GLIPR1: variants seen among roughly 807,000 people sequenced by gnomAD.
GLIPR1 encodes GLI pathogenesis related 1.
A neutral mutation model predicts 30.3 loss-of-function variants in GLIPR1; 38 were observed. That is an observed-to-expected ratio of 1.26 (90% CI 0.97 to 1.65). The LOEUF (loss-of-function observed/expected upper bound fraction) is 1.65. Ranked by LOEUF, GLIPR1 falls within the 40% of genes most tolerant of loss-of-function variation. GLIPR1 has a pLI of 0.00. For synonymous variants in GLIPR1, 122 were observed against 110.6 expected (o/e 1.10, Z -0.65); for missense variants, 285 against 326.5 (o/e 0.87, Z 0.98).
rs1467892776 is a variant in GLIPR1 at position 75,499,385 on chromosome 12, A to AGATTCAGAACAGAGGAGTAACTAGG, written c.*409_*433dup. 3.7e-5 allele frequency: 6 copies of AGATTCAGAACAGAGGAGTAACTAGG among 161,152 alleles called. No homozygotes were observed. The highest frequency in any genetic ancestry group is 1.4e-4 in the African/African-American group (6 of 41,854). 10.0% of individuals were successfully genotyped at this position (161,152 alleles called of 1,614,324 possible). The stretch of plus-strand genomic sequence containing the variant: ...TGTCTTTTTGGTTTACTACTTCCCC[A>AGATTCAGAACAGAGGAGTAACTAGG]GATTCAGAACAGAGGAGTAACTAGG... On this transcript the variant is annotated 3_prime_UTR_variant, in exon 6 of 6. Coordinates refer to ENST00000266659, the MANE Select transcript of GLIPR1 (RefSeq NM_006851.3).
intron 3 of GLIPR1, chr12:75,492,657 A>T (rs2046329974): frequency 6.6e-6 from 1 of 152,254 alleles, no homozygotes; most frequent in Non-Finnish European, 1.5e-5. Context: ...AGTTATAAAC[A>T]ATATTAAATT....
At chr12:75,496,507 TAGTA>T (rs1274735901) in intron 4 of GLIPR1, 2 of 152,188 alleles carry the variant, frequency 1.3e-5, no homozygotes, top group Non-Finnish European at 2.9e-5. Flanking sequence ...TTTGAAATAT[TAGTA>T]AGTGACCAAG....
chr12:75,492,955 G>C (rs1323279793), intron 3 of GLIPR1: 1 of 152,176 alleles, frequency 6.6e-6, no homozygotes, highest in Non-Finnish European at 1.5e-5. Context: ...TTTAAGCTTA[G>C]GCATGAAGAA....
chr12:75,503,611 A>T lies in GLIPR1; in HGVS notation c.*4633A>T, dbSNP rs2046408748. The T allele has an allele frequency of 9.2e-6, 2 of 218,542 alleles. No homozygotes were observed. Among genetic ancestry groups the T allele is most frequent in the Admixed American group, 1.1e-4 (2 of 17,636 alleles). The allele number at this position is 218,542 out of a possible 1,614,324, so 13.5% of individuals were successfully genotyped here. A position where few individuals can be genotyped will look rare whatever the true frequency, so the allele number is the denominator to read the frequency against. ...ACAATAATGTTGCCAAATCAGAGAA[A>T]AGAGTATTGCAGACTAAACGAACTT... is the stretch of plus-strand genomic sequence containing the variant. On this transcript the variant is annotated 3_prime_UTR_variant, in exon 6 of 6. Transcript: ENST00000266659.
chr12:75,490,122 C>G (rs1325378860), intron 2 of GLIPR1, among the ~76,000 whole-genome samples: 2 of 151,840 alleles, frequency 1.3e-5, no homozygotes, highest in Non-Finnish European at 2.9e-5. Flanking sequence ...AAATCAGCAT[C>G]ACCTTGCCAG....
chr12:75,480,943 A>G lies in GLIPR1; in HGVS notation c.63A>G (p.Thr21=), dbSNP rs367781733. ...CTTTTGTCTCCAATTATTCACACAC[A>G]GCAAATATTTTGCCAGATATCGAAA... The part of the protein sequence containing the change: ...MVSFVSNYSH[T]ANILPDIENE... Residue 21 remains threonine, a synonymous_variant, in exon 1 of 6, where the codon ACA becomes ACG. Transcript: ENST00000266659. 1 of 1,613,818 alleles carries G rather than the reference A, an allele frequency of 6.2e-7. No individual in the cohort carries two copies. Among genetic ancestry groups the G allele is most frequent in the East Asian group, 2.2e-5 (1 of 44,872 alleles).
chr12:75,499,829 T>TCTTTTCA lies in GLIPR1; in HGVS notation c.*852_*858dup. On this transcript the variant is annotated 3_prime_UTR_variant, in exon 6 of 6. Coordinates refer to ENST00000266659, the MANE Select transcript of GLIPR1 (RefSeq NM_006851.3). ...GTATGTTACTTTTTTTTCTTCTTTT[T>TCTTTTCA]CTTTTCATCTGCCTCCATCTTAAGT... 1 of 1,600,354 alleles carries TCTTTTCA rather than the reference T, an allele frequency of 6.2e-7. No homozygotes were observed. Among genetic ancestry groups the TCTTTTCA allele is most frequent in the Admixed American group, 1.7e-5 (1 of 58,146 alleles).
At chr12:75,496,881 C>G (rs1192297662) in intron 4 of GLIPR1, 1 of 152,138 alleles carries the variant, frequency 6.6e-6, no homozygotes, top group Non-Finnish European at 1.5e-5. Flanking sequence ...CGTACTTTTG[C>G]AAAGTTTTCT....
At chr12:75,496,561 A>T (rs748293079) in intron 4 of GLIPR1, 1 of 136,170 alleles carries the variant, frequency 7.3e-6, no homozygotes, top group Non-Finnish European at 1.7e-5. Flanking sequence ...AAACCCTTCC[A>T]TCCCAGTATG....
At chr12:75,481,662 G>T (rs1346545468) in intron 1 of GLIPR1, among the ~76,000 whole-genome samples, 172 bp from the exon 2 acceptor site, 2 of 152,066 alleles carry the variant, frequency 1.3e-5, no homozygotes, top group African/African-American at 4.8e-5. Context: ...AAACTAAATT[G>T]TCACGTTTCC....
At chr12:75,495,467 C>A in intron 3 of GLIPR1, 110 bp from the exon 4 acceptor site, 1 of 645,646 alleles carries the variant, frequency 1.5e-6, no homozygotes, top group East Asian at 2.8e-5. Flanking sequence ...ACTCTCTGGA[C>A]CTTTGTACTT....
intron 2 of GLIPR1, among the ~76,000 whole-genome samples, chr12:75,486,307 C>T (rs966225435): frequency 1.4e-5 from 2 of 140,466 alleles, no homozygotes; most frequent in Non-Finnish European, 3.2e-5. Context: ...ACAACAGAAA[C>T]CTGCCTGATA....
rs1241048442 is a variant in GLIPR1, at chr12:75,503,173, G to A, written c.*4195G>A. On this transcript the variant is annotated 3_prime_UTR_variant, in exon 6 of 6. Transcript: ENST00000266659. ...GGAAGAAAACCCATACGTGAGAGAA[G>A]AGGAAACAGAAAGGGGTTCTTATCT... 1 of 152,116 alleles carries A rather than the reference G, an allele frequency of 6.6e-6. No homozygotes were observed. The highest frequency in any genetic ancestry group is 1.5e-5 in the Non-Finnish European group (1 of 67,984). 9.4% of individuals were successfully genotyped at this position (152,116 alleles called of 1,614,324 possible). A position where few individuals can be genotyped will look rare whatever the true frequency, so the allele number is the denominator to read the frequency against.
At chr12:75,490,337 T>C (rs2046314631) in intron 2 of GLIPR1, 69 bp from the exon 3 acceptor site, 6 of 866,312 alleles carry the variant, frequency 6.9e-6, no homozygotes, top group East Asian at 2.4e-5. Context: ...ACCATGTTTA[T>C]GAAGACCTAA....
At chr12:75,492,040 G>GA (rs1472247418) in intron 3 of GLIPR1, 1 of 148,816 alleles carries the variant, frequency 6.7e-6, no homozygotes, top group Non-Finnish European at 1.5e-5. Context: ...AGAAAACCCA[G>GA]AAAAAACTAG....
intron 4 of GLIPR1, chr12:75,497,213 A>T (rs1023522122): frequency 3.9e-5 from 6 of 152,202 alleles, no homozygotes; most frequent in Admixed American, 6.5e-5. Context: ...GTTTCCCTTT[A>T]AAAATCTAGG....
chr12:75,497,898 A>T (rs11180552), intron 4 of GLIPR1: 3 of 151,832 alleles, frequency 2.0e-5, no homozygotes, highest in Middle Eastern at 3.4e-3. Flanking sequence ...ATATATATAA[A>T]AAAAAATAAC....
At chr12:75,483,654 A>G (rs1429864407) in intron 2 of GLIPR1, 1 of 152,274 alleles carries the variant, frequency 6.6e-6, no homozygotes, top group African/African-American at 2.4e-5. Context: ...ACAAAGTGCC[A>G]TGTGAGCAAG....
rs747573872 is a variant in GLIPR1 at position 75,501,791 on chromosome 12, T to G, written c.*2813T>G. On this transcript the variant is annotated 3_prime_UTR_variant, in exon 6 of 6. Coordinates refer to ENST00000266659, the MANE Select transcript of GLIPR1 (RefSeq NM_006851.3). ...TGCTTTGTTTCTTTCCTCTTGTCTC[T>G]TACTGATGGCTTCTGCTTGTTTAGC... The G allele has an allele frequency of 6.2e-7, 1 of 1,610,308 alleles. No homozygotes were observed. The highest frequency in any genetic ancestry group is 8.5e-7 in the Non-Finnish European group (1 of 1,178,022).
Sources: allele counts gnomAD v4.1 joint callset (sites outside exome capture counted in the v4.1 genomes callset), GRCh38; gene constraint gnomAD v4.1.1; transcripts MANE v1.5; gene names NCBI Gene and HGNC (gene_info 2026-07-23, HGNC 2026-07-21).